Variants in AUTS2 observed in about 807,000 individuals in gnomAD.
AUTS2 encodes autism susceptibility gene 2 protein.
In AUTS2, 17 loss-of-function variants were observed where a neutral mutation model predicts 112.4. The observed-to-expected ratio is 0.15, with a 90% CI of 0.10 to 0.23. The LOEUF is 0.23. Ranked by LOEUF, AUTS2 falls within the 10% of genes least tolerant of loss-of-function variation. AUTS2 has a pLI of 1.00. For missense variants in AUTS2, 1,510 were observed against 1,701.6 expected, an observed-to-expected ratio of 0.89 and a Z score of 1.98; for synonymous variants, 751 against 702.7, an observed-to-expected ratio of 1.07 and a Z score of -1.09.
chr7:70,470,292 G>T (rs1797329710), intron 5 of AUTS2, among the ~76,000 whole-genome samples: 3 of 152,150 alleles, frequency 2.0e-5, no homozygotes, highest in Admixed American at 2.0e-4. Flanking sequence ...AACCAACAGA[G>T]AAAGGAGCAT....
chr7:70,554,689 T>A (rs192527508), intron 5 of AUTS2, among the ~76,000 whole-genome samples: 2 of 152,174 alleles, frequency 1.3e-5, no homozygotes, highest in Non-Finnish European at 2.9e-5. Flanking sequence ...AAGGGGAAGA[T>A]ACTTAGCAGC....
intron 14 of AUTS2, 77 bp from the exon 15 acceptor site, chr7:70,781,538 C>G: frequency 6.5e-7 from 1 of 1,546,078 alleles, no homozygotes; most frequent in Non-Finnish European, 8.8e-7. Context: ...TTCACAGTCT[C>G]CAGCTCCAGC....
chr7:70,326,420 AC>A (rs1289122829), intron 4 of AUTS2, among the ~76,000 whole-genome samples: 1 of 152,278 alleles, frequency 6.6e-6, no homozygotes, highest in East Asian at 1.9e-4. Flanking sequence ...TGCACACAGC[AC>A]CGCATGAAAA....
chr7:69,606,105 A>T (rs2129073796), intron 1 of AUTS2, among the ~76,000 whole-genome samples: 1 of 152,304 alleles, frequency 6.6e-6, no homozygotes, highest in Middle Eastern at 3.4e-3. Context: ...TTATGAGGTT[A>T]GGAATTGAGC....
intron 1 of AUTS2, among the ~76,000 whole-genome samples, chr7:69,634,725 G>A (rs1230817154): frequency 6.6e-6 from 1 of 152,192 alleles, no homozygotes; most frequent in African/African-American, 2.4e-5. Context: ...TTAGATCCAA[G>A]TGGTCACTCC....
At chr7:70,351,866 T>C (rs751504736) in intron 4 of AUTS2, among the ~76,000 whole-genome samples, 1 of 151,980 alleles carries the variant, frequency 6.6e-6, no homozygotes, top group Non-Finnish European at 1.5e-5. Flanking sequence ...CACACCCAAC[T>C]AATTTTTGTA....
intron 4 of AUTS2, among the ~76,000 whole-genome samples, chr7:70,254,606 C>A (rs1786762211): frequency 6.6e-6 from 1 of 152,204 alleles, no homozygotes; most frequent in African/African-American, 2.4e-5. Context: ...TGTCACCATT[C>A]CTTTTTCGGG....
chr7:70,009,441 G>A (rs1378850172), intron 2 of AUTS2, among the ~76,000 whole-genome samples: 1 of 152,124 alleles, frequency 6.6e-6, no homozygotes. Flanking sequence ...TTGCAGCCCC[G>A]AAAAGACTAC....
chr7:70,778,192 C>T (rs1007665222), intron 14 of AUTS2, among the ~76,000 whole-genome samples: 3 of 152,120 alleles, frequency 2.0e-5, no homozygotes, highest in African/African-American at 7.2e-5. Flanking sequence ...ACAGCATCAG[C>T]GCTTGGCTTA....
intron 4 of AUTS2, among the ~76,000 whole-genome samples, chr7:70,256,362 G>A (rs1786869511): frequency 6.6e-6 from 1 of 152,222 alleles, no homozygotes; most frequent in South Asian, 2.1e-4. Flanking sequence ...TGGGCCAAGA[G>A]AACAGAGGGT....
intron 1 of AUTS2, among the ~76,000 whole-genome samples, chr7:69,775,629 G>A (rs572949122): frequency 2.4e-4 from 37 of 152,204 alleles, no homozygotes; most frequent in African/African-American, 8.9e-4. Context: ...GGAAGTTGTT[G>A]ATGGGGATGC....
intron 1 of AUTS2, among the ~76,000 whole-genome samples, chr7:69,654,701 G>A (rs1795444802): frequency 6.6e-6 from 1 of 152,160 alleles, no homozygotes; most frequent in Non-Finnish European, 1.5e-5. Flanking sequence ...AGCTGGACTT[G>A]TGACGGTTTT....
chr7:70,333,132 G>A (rs1220387146), intron 4 of AUTS2, among the ~76,000 whole-genome samples: 8 of 151,836 alleles, frequency 5.3e-5, no homozygotes, highest in South Asian at 2.1e-4. Flanking sequence ...AAACAACCCC[G>A]TCAAAAAGTG....
chr7:69,821,122 G>A (rs1165162731), intron 1 of AUTS2, among the ~76,000 whole-genome samples: 1 of 152,212 alleles, frequency 6.6e-6, no homozygotes, highest in African/African-American at 2.4e-5. Context: ...CATAGATTCA[G>A]TGCCCAGTAT....
intron 5 of AUTS2, among the ~76,000 whole-genome samples, chr7:70,515,743 T>A (rs1327033767): frequency 6.6e-6 from 1 of 152,164 alleles, no homozygotes. Flanking sequence ...TTCCCATTTT[T>A]AAATCATGCA....
intron 1 of AUTS2, among the ~76,000 whole-genome samples, chr7:69,871,898 G>A (rs1297058473): frequency 1.3e-5 from 2 of 152,096 alleles, no homozygotes; most frequent in Admixed American, 6.6e-5. Flanking sequence ...GAGATAAGGG[G>A]GACTGCTGTA....
At chr7:69,651,077 C>T (rs553005667) in intron 1 of AUTS2, among the ~76,000 whole-genome samples, 1 of 152,218 alleles carries the variant, frequency 6.6e-6, no homozygotes, top group Non-Finnish European at 1.5e-5. Context: ...GGTTATAGGC[C>T]ATTGGGAATG....
chr7:69,948,706 A>G (rs1796909553), intron 2 of AUTS2, among the ~76,000 whole-genome samples: 1 of 152,154 alleles, frequency 6.6e-6, no homozygotes, highest in Admixed American at 6.6e-5. Flanking sequence ...AGTGAGATGA[A>G]CTGCTTTATA....
At chr7:69,842,708 A>G (rs1309059227) in intron 1 of AUTS2, among the ~76,000 whole-genome samples, 2 of 152,152 alleles carry the variant, frequency 1.3e-5, no homozygotes, top group African/African-American at 4.8e-5. Context: ...ATGTATTTTC[A>G]CTGGGACTAT....
Sources: allele counts gnomAD v4.1 joint callset (sites outside exome capture counted in the v4.1 genomes callset), GRCh38; gene constraint gnomAD v4.1.1; transcripts MANE v1.5; gene names NCBI Gene and HGNC (gene_info 2026-07-23, HGNC 2026-07-21).